COG6: variants seen among roughly 807,000 people sequenced by gnomAD.
COG6 encodes the protein conserved oligomeric Golgi complex subunit 6.
A neutral mutation model predicts 88.8 loss-of-function variants in COG6; 74 were observed. The observed-to-expected ratio is 0.83, with a 90% CI of 0.69 to 1.01. The LOEUF is 1.01. Ranked by LOEUF, COG6 falls within the 50% of genes least tolerant of loss-of-function variation. COG6 has a pLI of 0.00. For missense variants in COG6, 800 were observed against 797.9 expected, an observed-to-expected ratio of 1.00 and a Z score of -0.03; for synonymous variants, 286 against 278.7, an observed-to-expected ratio of 1.03 and a Z score of -0.26.
intron 18 of COG6, among the ~76,000 whole-genome samples, chr13:39,785,895 G>T (rs1470407154): frequency 6.6e-6 from 1 of 152,124 alleles, no homozygotes; most frequent in Non-Finnish European, 1.5e-5. Context: ...TTTCCACTTT[G>T]CTCAGCTTTG....
At chr13:39,701,611 G>A (rs544618227) in intron 13 of COG6, among the ~76,000 whole-genome samples, 1 of 152,006 alleles carries the variant, frequency 6.6e-6, no homozygotes, top group Admixed American at 6.6e-5. Flanking sequence ...GTTTCTAGAA[G>A]GAGGGCATGG....
At chr13:39,783,995 G>T (rs940793203) in intron 18 of COG6, among the ~76,000 whole-genome samples, 2 of 152,248 alleles carry the variant, frequency 1.3e-5, no homozygotes, top group East Asian at 1.9e-4. Context: ...CATGGATTCT[G>T]GGGGGAGAAA....
intron 13 of COG6, among the ~76,000 whole-genome samples, chr13:39,708,014 C>G (rs1878036013): frequency 1.3e-5 from 2 of 152,066 alleles, no homozygotes; most frequent in South Asian, 4.1e-4. Context: ...GTGGGAGTTT[C>G]AGTTGTTCCA....
At chr13:39,741,584 C>T (rs187780503) in intron 18 of COG6, among the ~76,000 whole-genome samples, 1 of 152,124 alleles carries the variant, frequency 6.6e-6, no homozygotes, top group Admixed American at 6.5e-5. Context: ...AACAAAGCCT[C>T]CAAGAAATAT....
chr13:39,689,804 G>A lies in COG6; in HGVS notation c.1054G>A (p.Gly352Ser), dbSNP rs751330769. The part of the protein sequence containing the change: ...IQEVVGHITE[G>S]VCRPLKVRIE... Reference sequence around the variant, plus strand: ...AGAAGTTGTTGGGCATATCACTGAAGGTGTGTGCAGGCCTCTAAAGGTAAA... The same window carrying A: ...AGAAGTTGTTGGGCATATCACTGAAAGTGTGTGCAGGCCTCTAAAGGTAAA... Residue 352 changes from glycine (G) to serine (S), a missense_variant, in exon 11 of 19, where the codon GGT (glycine) becomes AGT (serine). Gly to Ser is a moderately conservative substitution (Grantham distance 56). Transcript: ENST00000455146. 3 of 1,609,644 alleles carry A rather than the reference G, an allele frequency of 1.9e-6. No homozygotes were observed. The South Asian group carries it at 3.3e-5, about 18-fold the overall frequency.
intron 18 of COG6, among the ~76,000 whole-genome samples, chr13:39,775,287 G>A (rs1881431975): frequency 6.6e-6 from 1 of 152,110 alleles, no homozygotes; most frequent in Non-Finnish European, 1.5e-5. Flanking sequence ...GTTAAGACAG[G>A]TAAAAAGTGT....
At chr13:39,775,340 CTCT>C (rs1396473815) in intron 18 of COG6, among the ~76,000 whole-genome samples, 6 of 152,162 alleles carry the variant, frequency 3.9e-5, no homozygotes, top group Non-Finnish European at 8.8e-5. Flanking sequence ...TGGATGTTAG[CTCT>C]TCTTATTTTC....
At position 39,687,692 on chromosome 13, in the gene COG6, A is replaced by C. The variant is rs796994491; in HGVS notation, c.918-16A>C. 3 of 1,614,044 alleles carry C rather than the reference A, an allele frequency of 1.9e-6. No homozygotes were observed. In the African/African-American group the frequency reaches 4.0e-5, roughly 22 times the overall value. The stretch of plus-strand genomic sequence containing the variant: ...TTTTCCAAAGGAAATCTTCATTAAC[A>C]TTTAGTTTTCATTAGGTATGTAGGA... On this transcript the variant is annotated splice_polypyrimidine_tract_variant and intron_variant, in intron 9 of 18. Coordinates refer to ENST00000455146, the MANE Select transcript of COG6 (RefSeq NM_020751.3).
intron 18 of COG6, among the ~76,000 whole-genome samples, chr13:39,743,427 C>G (rs895554478): frequency 6.6e-6 from 1 of 152,084 alleles, no homozygotes; most frequent in Non-Finnish European, 1.5e-5. Context: ...GGAATATCAC[C>G]ACTGATACCA....
intron 12 of COG6, among the ~76,000 whole-genome samples, chr13:39,696,014 A>C: frequency 6.6e-6 from 1 of 152,154 alleles, no homozygotes; most frequent in African/African-American, 2.4e-5. Context: ...TTTATTATTT[A>C]AAGATATTGA....
intron 13 of COG6, among the ~76,000 whole-genome samples, chr13:39,710,321 C>T (rs1878168720): frequency 6.6e-6 from 1 of 151,922 alleles, no homozygotes; most frequent in African/African-American, 2.4e-5. Context: ...TGATTTTGAT[C>T]GTTGATTCTG....
intron 18 of COG6, among the ~76,000 whole-genome samples, chr13:39,763,367 A>G (rs1461551590): frequency 1.3e-5 from 2 of 151,790 alleles, no homozygotes; most frequent in Non-Finnish European, 3.0e-5. Context: ...AACCATTTAC[A>G]GTGTTACAAA....
intron 18 of COG6, among the ~76,000 whole-genome samples, chr13:39,762,161 G>T (rs1020787191): frequency 6.6e-6 from 1 of 151,740 alleles, no homozygotes; most frequent in Non-Finnish European, 1.5e-5. Flanking sequence ...GCATATATAC[G>T]CAGTGGAATA....
intron 18 of COG6, among the ~76,000 whole-genome samples, chr13:39,758,346 C>A (rs369745839): frequency 6.6e-6 from 1 of 152,044 alleles, no homozygotes; most frequent in Non-Finnish European, 1.5e-5. Context: ...TAGCAAGACC[C>A]CATCTCTGCA....
chr13:39,729,213 A>C lies in COG6; in HGVS notation c.1826+1665A>C, dbSNP rs1445301039. 9.2e-5 allele frequency among the ~76,000 whole-genome samples: 14 copies of C among 152,112 alleles called. 1 individual carries two copies. Among genetic ancestry groups the C allele is most frequent in the Admixed American group, 7.2e-4 (11 of 15,276 alleles). On this transcript the variant is annotated intron_variant, in intron 18 of 18. Coordinates refer to ENST00000455146, the MANE Select transcript of COG6 (RefSeq NM_020751.3). ...GGACCCTGGTCTGTGGCCTGTTGGG[A>C]GCACAAACCCTACTGTGAACTGCGC...
intron 3 of COG6, among the ~76,000 whole-genome samples, chr13:39,662,075 A>G (rs756000521): frequency 2.6e-4 from 39 of 147,606 alleles, no homozygotes; most frequent in Admixed American, 1.6e-3. Context: ...TATTTGTGCT[A>G]TTTTTCAAAC....
intron 5 of COG6, among the ~76,000 whole-genome samples, chr13:39,679,044 A>C (rs1876145901): frequency 6.6e-6 from 1 of 152,120 alleles, no homozygotes; most frequent in Non-Finnish European, 1.5e-5. Flanking sequence ...TTTAAATATC[A>C]ATCAACAGTT....
At chr13:39,776,577 G>A (rs144308581) in intron 18 of COG6, among the ~76,000 whole-genome samples, 19 of 152,244 alleles carry the variant, frequency 1.2e-4, no homozygotes, top group African/African-American at 4.6e-4. Flanking sequence ...GAGAACAAAT[G>A]GGAAAAGATG....
chr13:39,738,292 G>C (rs941399812), intron 18 of COG6, among the ~76,000 whole-genome samples: 10 of 152,160 alleles, frequency 6.6e-5, no homozygotes, highest in Non-Finnish European at 1.2e-4. Context: ...AAAAGATGCA[G>C]TGGGAGGGAA....
Sources: allele counts gnomAD v4.1 joint callset (sites outside exome capture counted in the v4.1 genomes callset), GRCh38; gene constraint gnomAD v4.1.1; transcripts MANE v1.5; gene names NCBI Gene and HGNC (gene_info 2026-07-23, HGNC 2026-07-21).